The following AHCYL2 variants were observed in gnomAD, a reference collection of about 807,000 sequenced individuals.
The protein encoded by AHCYL2 is S-adenosylhomocysteine hydrolase-like protein 2.
A neutral mutation model predicts 81.4 loss-of-function variants in AHCYL2; 28 were observed. The observed-to-expected ratio is 0.34, with a 90% confidence interval of 0.25 to 0.47. The LOEUF (loss-of-function observed/expected upper bound fraction) is 0.47, where lower values mean the gene tolerates loss of function less well. Ranked by LOEUF, AHCYL2 falls within the 20% of genes least tolerant of loss-of-function variation. AHCYL2 has a pLI of 1.00. For synonymous variants in AHCYL2, 272 were observed against 290.2 expected, an observed-to-expected ratio of 0.94 and a Z score of 0.64; for missense variants, 551 against 785.1, an observed-to-expected ratio of 0.70 and a Z score of 3.56.
At chr7:129,381,016 C>T (rs1341933799) in intron 2 of AHCYL2, among the ~76,000 whole-genome samples, 2 of 152,154 alleles carry the variant, frequency 1.3e-5, no homozygotes, top group African/African-American at 4.8e-5. Context: ...GGATTACAGG[C>T]GTGAGCCACT....
At position 129,364,807 on chromosome 7, in the gene AHCYL2, T is replaced by C. The variant is rs141667278; in HGVS notation, c.364-14831T>C. Among the ~76,000 whole-genome samples the C allele has an allele frequency of 1.0e-3, 159 of 151,946 alleles. 1 individual carries two copies. In the East Asian group the frequency reaches 0.026, roughly 25 times the overall value. ...TGCAGATCGAGCAATGGAAAATGGA[T>C]TATATATTCCTGCAGAGATAATATA... On this transcript the variant is annotated intron_variant, in intron 1 of 16. Coordinates refer to ENST00000325006, the MANE Select transcript of AHCYL2 (RefSeq NM_015328.4).
chr7:129,340,609 T>A (rs932212348), intron 1 of AHCYL2, among the ~76,000 whole-genome samples: 3 of 152,152 alleles, frequency 2.0e-5, no homozygotes, highest in Admixed American at 1.3e-4. Flanking sequence ...TCGTTTTATC[T>A]ACTGTTTATA....
At chr7:129,388,476 A>G (rs976432671) in intron 2 of AHCYL2, among the ~76,000 whole-genome samples, 3 of 152,208 alleles carry the variant, frequency 2.0e-5, no homozygotes, top group African/African-American at 7.2e-5. Flanking sequence ...GCCAGCAAGA[A>G]GGGAGAGCAC....
intron 1 of AHCYL2, among the ~76,000 whole-genome samples, chr7:129,279,351 G>A (rs1324627872): frequency 1.3e-5 from 2 of 151,922 alleles, no homozygotes; most frequent in Non-Finnish European, 2.9e-5. Flanking sequence ...GGTTCGCCAT[G>A]TTGGCCAGGC....
Position 129,389,562 on chromosome 7 carries a change from A to G in AHCYL2, c.620-72A>G, listed in dbSNP as rs117913215. 1.3e-3 allele frequency: 1,680 copies of G among 1,276,140 alleles called. 11 individuals carry two copies. In the East Asian group the frequency reaches 0.027, roughly 21 times the overall value. 79.1% of individuals were successfully genotyped at this position (1,276,140 alleles called of 1,614,324 possible). The stretch of plus-strand genomic sequence containing the variant: ...GGAAGGATCTTAACTTAAGAAAACA[A>G]GTTTTTCTGTTTGTTCTTTTATCTC... On this transcript the variant is annotated intron_variant, in intron 3 of 16. Transcript: ENST00000325006.
chr7:129,291,219 A>AC (rs1232660715), intron 1 of AHCYL2, among the ~76,000 whole-genome samples: 2 of 151,524 alleles, frequency 1.3e-5, no homozygotes, highest in South Asian at 2.1e-4. Context: ...TATTCTACAA[A>AC]CCCCCCCAAA....
rs193034430 is a variant in AHCYL2, at chr7:129,360,507, C to T, written c.364-19131C>T. Among the ~76,000 whole-genome samples, 139 of 152,348 alleles carry T rather than the reference C, an allele frequency of 9.1e-4. 1 individual carries two copies. Among genetic ancestry groups the T allele is most frequent in the African/African-American group, 3.3e-3 (138 of 41,580 alleles). Reference sequence around the variant, plus strand: ...TGGAATACAAAAATAGGACATATAACTTCTGTTCTCAGATTGCTTGCAGTA... The same window carrying T: ...TGGAATACAAAAATAGGACATATAATTTCTGTTCTCAGATTGCTTGCAGTA... On this transcript the variant is annotated intron_variant, in intron 1 of 16. Coordinates refer to ENST00000325006, the MANE Select transcript of AHCYL2 (RefSeq NM_015328.4).
intron 1 of AHCYL2, among the ~76,000 whole-genome samples, chr7:129,300,083 G>A (rs376556821): frequency 3.9e-5 from 6 of 152,084 alleles, no homozygotes; most frequent in East Asian, 3.9e-4. Flanking sequence ...CATATGTTGC[G>A]CAATAATTAC....
At chr7:129,358,309 G>A (rs964437865) in intron 1 of AHCYL2, among the ~76,000 whole-genome samples, 6 of 151,902 alleles carry the variant, frequency 3.9e-5, no homozygotes, top group South Asian at 2.1e-4. Flanking sequence ...GGAGAATGGC[G>A]TGAACCCGGG....
rs1797479255 is a variant in AHCYL2, at chr7:129,429,156, CA to C, written c.*2114del. On this transcript the variant is annotated 3_prime_UTR_variant, in exon 17 of 17. Coordinates refer to ENST00000325006, the MANE Select transcript of AHCYL2 (RefSeq NM_015328.4). ...CTTGCTGTAGTGAAGAGACCCACTC[CA>C]AATAAAAAAGGGGCCACACGGGGCT... is the stretch of plus-strand genomic sequence containing the variant. The C allele has an allele frequency of 6.6e-6, 1 of 152,140 alleles. No individual in the cohort carries two copies. Among genetic ancestry groups the C allele is most frequent in the Non-Finnish European group, 1.5e-5 (1 of 68,034 alleles). 9.4% of individuals were successfully genotyped at this position (152,140 alleles called of 1,614,324 possible).
At chr7:129,328,338 C>T (rs928586520) in intron 1 of AHCYL2, among the ~76,000 whole-genome samples, 3 of 151,824 alleles carry the variant, frequency 2.0e-5, no homozygotes, top group African/African-American at 4.8e-5. Context: ...CCACCACGCC[C>T]GGCTAATTTT....
chr7:129,253,243 G>C (rs1006434311), intron 1 of AHCYL2, among the ~76,000 whole-genome samples: 1 of 151,980 alleles, frequency 6.6e-6, no homozygotes, highest in East Asian at 1.9e-4. Flanking sequence ...AGGTGTTTTG[G>C]GACTCACAGT....
At position 129,286,343 on chromosome 7, in the gene AHCYL2, C is replaced by T. The variant is rs538339237; in HGVS notation, c.363+60904C>T. ...TCAGCTCACTGCAACCTCTGCCTCCCGGTTTCAAGCTTCTCTCCATGAGAC... is the reference window on the plus strand; with the variant it reads ...TCAGCTCACTGCAACCTCTGCCTCCTGGTTTCAAGCTTCTCTCCATGAGAC... On this transcript the variant is annotated intron_variant, in intron 1 of 16. Coordinates refer to ENST00000325006, the MANE Select transcript of AHCYL2 (RefSeq NM_015328.4). Among the ~76,000 whole-genome samples the T allele has an allele frequency of 2.6e-5, 4 of 150,958 alleles. No homozygotes were observed. The East Asian group carries it at 5.8e-4, about 22-fold the overall frequency.
At chr7:129,276,738 A>AG (rs1796221294) in intron 1 of AHCYL2, among the ~76,000 whole-genome samples, 2 of 149,910 alleles carry the variant, frequency 1.3e-5, no homozygotes, top group South Asian at 4.2e-4. Context: ...AACTGTCTCA[A>AG]AAAAAAAAAA....
At chr7:129,332,554 GAAGCCAGA>G (rs1003875377) in intron 1 of AHCYL2, among the ~76,000 whole-genome samples, 1 of 152,216 alleles carries the variant, frequency 6.6e-6, no homozygotes, top group Non-Finnish European at 1.5e-5. Flanking sequence ...ACAGGATTCA[GAAGCCAGA>G]AGCACAGTAC....
intron 1 of AHCYL2, among the ~76,000 whole-genome samples, chr7:129,273,475 T>C (rs1297721739): frequency 6.6e-6 from 1 of 151,766 alleles, no homozygotes; most frequent in Non-Finnish European, 1.5e-5. Flanking sequence ...ATTACAGGCA[T>C]GCATCACCAC....
At chr7:129,271,427 T>A (rs536962303) in intron 1 of AHCYL2, among the ~76,000 whole-genome samples, 4 of 150,510 alleles carry the variant, frequency 2.7e-5, no homozygotes, top group African/African-American at 9.8e-5. Context: ...AAACTTAAAA[T>A]TTGGTGGACA....
intron 1 of AHCYL2, among the ~76,000 whole-genome samples, chr7:129,262,791 C>T (rs1319407083): frequency 1.3e-5 from 2 of 152,084 alleles, no homozygotes; most frequent in Non-Finnish European, 2.9e-5. Context: ...TCACTTCAGT[C>T]AGTTGGGGGG....
intron 1 of AHCYL2, among the ~76,000 whole-genome samples, chr7:129,352,398 C>T (rs1482674567): frequency 6.6e-6 from 1 of 152,084 alleles, no homozygotes; most frequent in East Asian, 1.9e-4. Flanking sequence ...GTGTAGACCT[C>T]GTATTTGAGC....
Sources: allele counts gnomAD v4.1 joint callset (sites outside exome capture counted in the v4.1 genomes callset), GRCh38; gene constraint gnomAD v4.1.1; transcripts MANE v1.5; gene names NCBI Gene and HGNC (gene_info 2026-07-23, HGNC 2026-07-21).